ITPR2: variants seen among roughly 807,000 people sequenced by gnomAD.
ITPR2 encodes the protein inositol 1,4,5-trisphosphate receptor type 2.
In ITPR2, 207 loss-of-function variants were observed where a neutral mutation model predicts 317.1. The ratio of observed to expected loss-of-function variants is 0.65; its 90% CI spans 0.58 to 0.73. The LOEUF is 0.73. Ranked by LOEUF, ITPR2 falls within the 30% of genes least tolerant of loss-of-function variation. The pLI, the probability that ITPR2 is intolerant of heterozygous loss-of-function variation, is 0.00. For missense variants in ITPR2, 2,613 were observed against 3,284.0 expected (o/e 0.80, Z 4.99); for synonymous variants, 1,156 against 1,149.1 (o/e 1.01, Z -0.12).
chr12:26,601,445 G>A (rs568727676), intron 28 of ITPR2, among the ~76,000 whole-genome samples: 2 of 152,246 alleles, frequency 1.3e-5, no homozygotes, highest in Admixed American at 1.3e-4. Flanking sequence ...GAAGCAAGGA[G>A]AATACAAGAT....
At chr12:26,533,682 G>A (rs1315393363) in intron 37 of ITPR2, among the ~76,000 whole-genome samples, 1 of 152,084 alleles carries the variant, frequency 6.6e-6, no homozygotes, top group East Asian at 1.9e-4. Context: ...CACACATACA[G>A]AAGGAAAATA....
At chr12:26,455,667 TA>T (rs2136770016) in intron 45 of ITPR2, among the ~76,000 whole-genome samples, 1 of 152,124 alleles carries the variant, frequency 6.6e-6, no homozygotes, top group Admixed American at 6.5e-5. Flanking sequence ...GCATGAAAAG[TA>T]AGGAGAGGAA....
At chr12:26,428,992 A>G (rs1368177814) in intron 48 of ITPR2, among the ~76,000 whole-genome samples, 1 of 152,214 alleles carries the variant, frequency 6.6e-6, no homozygotes, top group East Asian at 1.9e-4. Flanking sequence ...ATATTCAATA[A>G]CAGTCTTAAT....
intron 52 of ITPR2, among the ~76,000 whole-genome samples, chr12:26,401,811 T>C (rs999998494): frequency 2.6e-4 from 40 of 152,346 alleles, no homozygotes; most frequent in East Asian, 9.6e-4. Context: ...TTTAACATTC[T>C]ATGGATAAGG....
chr12:26,501,269 T>C (rs964902596), intron 37 of ITPR2, among the ~76,000 whole-genome samples: 2 of 152,320 alleles, frequency 1.3e-5, no homozygotes, highest in Non-Finnish European at 2.9e-5. Flanking sequence ...ATACGTCTGA[T>C]TAGGTATTTT....
At chr12:26,398,037 C>T (rs1940052687) in intron 54 of ITPR2, among the ~76,000 whole-genome samples, 4 of 142,862 alleles carry the variant, frequency 2.8e-5, no homozygotes, top group African/African-American at 5.3e-5. Context: ...GAGATGATGA[C>T]AGGAGAAGGG....
At chr12:26,580,775 G>A (rs1288298444) in intron 32 of ITPR2, among the ~76,000 whole-genome samples, 1 of 152,176 alleles carries the variant, frequency 6.6e-6, no homozygotes, top group Non-Finnish European at 1.5e-5. Flanking sequence ...GCTGAAGCTG[G>A]AGAAAGACCA....
At chr12:26,677,684 T>A (rs558434427) in intron 13 of ITPR2, among the ~76,000 whole-genome samples, 39 of 152,288 alleles carry the variant, frequency 2.6e-4, no homozygotes, top group African/African-American at 8.9e-4. Context: ...CAGATTAGAT[T>A]GTTTCAAATC....
chr12:26,708,403 A>G (rs1948593534), intron 9 of ITPR2, among the ~76,000 whole-genome samples: 1 of 152,232 alleles, frequency 6.6e-6, no homozygotes. Flanking sequence ...TCACAGTGGA[A>G]TATTATTCAG....
At chr12:26,438,110 A>G (rs552267884) in intron 47 of ITPR2, among the ~76,000 whole-genome samples, 1 of 148,058 alleles carries the variant, frequency 6.8e-6, no homozygotes, top group East Asian at 2.0e-4. Flanking sequence ...CAGAAAATAT[A>G]TGTTTTTTAA....
chr12:26,476,173 C>T (rs1213684443), intron 44 of ITPR2, among the ~76,000 whole-genome samples: 1 of 152,218 alleles, frequency 6.6e-6, no homozygotes, highest in Non-Finnish European at 1.5e-5. Flanking sequence ...CCCTCCTCAA[C>T]TCCATTCTTT....
In ITPR2 at chr12:26,701,935, AG is replaced by A. The variant is rs1948452024; in HGVS notation, c.952-6286del. On this transcript the variant is annotated intron_variant, in intron 9 of 56. Coordinates refer to ENST00000381340, the MANE Select transcript of ITPR2 (RefSeq NM_002223.4). ...ATATTGCTTTGGAAAGATCATCAAA[AG>A]TTTTTGCTTTAGTAAGATCCAAAGA... Among the ~76,000 whole-genome samples the A allele has an allele frequency of 2.0e-5, 3 of 152,332 alleles. No homozygotes were observed. The South Asian group carries it at 6.2e-4, about 32-fold the overall frequency.
At chr12:26,806,187 A>G (rs183995027) in intron 1 of ITPR2, among the ~76,000 whole-genome samples, 21 of 152,286 alleles carry the variant, frequency 1.4e-4, no homozygotes, top group African/African-American at 5.1e-4. Flanking sequence ...TTGATTTTGG[A>G]GTGGAATTAT....
At chr12:26,522,938 A>G (rs1943703136) in intron 37 of ITPR2, among the ~76,000 whole-genome samples, 1 of 152,254 alleles carries the variant, frequency 6.6e-6, no homozygotes, top group Non-Finnish European at 1.5e-5. Context: ...CTGTTGATAT[A>G]ACAAAATGGA....
chr12:26,521,512 C>T (rs139325732), intron 37 of ITPR2, among the ~76,000 whole-genome samples: 8 of 152,216 alleles, frequency 5.3e-5, no homozygotes, highest in African/African-American at 1.7e-4. Context: ...AGGGGCCCCT[C>T]GAGTCTTTCC....
At chr12:26,559,879 G>T (rs2137025160) in intron 35 of ITPR2, among the ~76,000 whole-genome samples, 1 of 152,222 alleles carries the variant, frequency 6.6e-6, no homozygotes, top group Non-Finnish European at 1.5e-5. Context: ...CTGGCAGAGA[G>T]GAACTTCACA....
At chr12:26,670,283 A>T (rs1947733580) in intron 13 of ITPR2, among the ~76,000 whole-genome samples, 1 of 152,178 alleles carries the variant, frequency 6.6e-6, no homozygotes, top group South Asian at 2.1e-4. Flanking sequence ...TGAGCAGCCT[A>T]ACTGGGAGGC....
chr12:26,624,188 T>C (rs1237675230), intron 24 of ITPR2, 111 bp downstream of exon 24: 15 of 731,164 alleles, frequency 2.1e-5, no homozygotes, highest in Non-Finnish European at 3.2e-5. Context: ...TTAGCAACAA[T>C]AGAGGGTCTA....
At chr12:26,549,638 C>T (rs1022877660) in intron 37 of ITPR2, among the ~76,000 whole-genome samples, 7 of 152,052 alleles carry the variant, frequency 4.6e-5, no homozygotes, top group Non-Finnish European at 1.0e-4. Flanking sequence ...GGGTATCAAA[C>T]ATGCTGCTAG....
Sources: gnomAD v4.1 joint callset for allele counts (sites outside exome capture counted in the v4.1 genomes callset) on GRCh38, gnomAD v4.1.1 for gene constraint, MANE v1.5 for transcripts, NCBI Gene and HGNC (gene_info 2026-07-23, HGNC 2026-07-21) for gene names.